The following LINGO1 variants were observed in gnomAD, a reference collection of about 807,000 sequenced individuals.
The protein encoded by LINGO1 is leucine rich repeat and Ig domain containing 1.
A neutral mutation model predicts 37.3 loss-of-function variants in LINGO1; 11 were observed. That is an observed-to-expected ratio of 0.29 (90% confidence interval 0.19 to 0.49). LINGO1 has a LOEUF of 0.49. LINGO1 is among the 20% of genes least tolerant of loss of function. LINGO1 has a pLI of 0.99. For synonymous variants in LINGO1, 387 were observed against 403.0 expected (o/e 0.96, Z 0.48); for missense variants, 585 against 878.2 (o/e 0.67, Z 4.22).
chr15:77,698,519 C>T (rs1005117693), upstream of LINGO1, among the ~76,000 whole-genome samples: 4 of 152,128 alleles, frequency 2.6e-5, no homozygotes, highest in Admixed American at 2.0e-4. Context: ...GGGGCGGGGT[C>T]ACACACCAGG....
chr15:77,621,073 TA>T (rs1013595555), intron 1 of LINGO1, among the ~76,000 whole-genome samples: 5 of 151,876 alleles, frequency 3.3e-5, no homozygotes, highest in African/African-American at 1.2e-4. Flanking sequence ...TTTTTTCTTT[TA>T]GATGGAGTCT....
chr15:77,794,590 ATTTTT>A lies in LINGO1; in HGVS notation c.-343+1344_-343+1348del, dbSNP rs370121489. Among the ~76,000 whole-genome samples the A allele has an allele frequency of 4.0e-4, 37 of 93,502 alleles. 1 individual carries two copies. The highest frequency in any genetic ancestry group is 1.8e-3 in the Admixed American group (15 of 8,322). The allele number at this position is 93,502 out of a possible 152,430, so 61.3% of individuals were successfully genotyped here. A position where few individuals can be genotyped will look rare whatever the true frequency, so the allele number is the denominator to read the frequency against. ...CACACACATATATATATATATATAT[ATTTTT>A]TTTTTTTTTTGAGACGGAGTCTCGC... is the stretch of plus-strand genomic sequence containing the variant. On this transcript the variant is annotated intron_variant, in intron 2 of 5. Coordinates refer to the LINGO1 transcript ENST00000562933.
chr15:77,819,517 C>G (rs1232377673), intron 1 of LINGO1: 1 of 151,764 alleles, frequency 6.6e-6, no homozygotes, highest in Non-Finnish European at 1.5e-5. Flanking sequence ...CTGCTCGCCA[C>G]GATGCGATGC....
In LINGO1 at chr15:77,665,733, G is replaced by A. The variant is rs555832041; in HGVS notation, c.-13+11356C>T. ...CGCCAGGCAGGTGAGGTGAGATGCT[G>A]AGCTGACCCGCCTCCAGGCTGCCCT... On this transcript the variant is annotated intron_variant, in intron 3 of 3. Coordinates refer to the LINGO1 transcript ENST00000559893. 2.0e-5 allele frequency among the ~76,000 whole-genome samples: 3 copies of A among 152,360 alleles called. No individual in the cohort carries two copies. In the South Asian group the frequency reaches 6.2e-4, roughly 32 times the overall value.
intron 1 of LINGO1, among the ~76,000 whole-genome samples, chr15:77,619,781 G>A (rs1011918862): frequency 1.3e-5 from 2 of 152,130 alleles, no homozygotes; most frequent in African/African-American, 4.8e-5. Flanking sequence ...GGTCAGCCTT[G>A]CCCTGTACAG....
chr15:77,688,669 G>A (rs1387415059), intron 2 of LINGO1, among the ~76,000 whole-genome samples: 1 of 152,196 alleles, frequency 6.6e-6, no homozygotes, highest in Non-Finnish European at 1.5e-5. Context: ...TTCCCGCCAC[G>A]GTTGGTTATT....
chr15:77,683,353 C>T (rs1181051657), intron 2 of LINGO1, among the ~76,000 whole-genome samples: 2 of 152,140 alleles, frequency 1.3e-5, no homozygotes, highest in Admixed American at 6.5e-5. Context: ...CCCGGCCACT[C>T]GCATCTAGAA....
chr15:77,614,890 C>T lies in LINGO1; in HGVS notation c.1017G>A (p.Val339=), dbSNP rs781478906. The T allele has an allele frequency of 1.2e-6, 2 of 1,613,854 alleles. No homozygotes were observed. Among genetic ancestry groups the T allele is most frequent in the African/African-American group, 1.3e-5 (1 of 74,938 alleles). Residue 339 remains valine, a synonymous_variant, in exon 2 of 2, where the codon GTG becomes GTA. Coordinates refer to ENST00000355300, the MANE Select transcript of LINGO1 (RefSeq NM_032808.7). ...YAFRGLNYLR[V]LNVSGNQLTT... ...TCAGCTGGTTGCCAGAGACATTGAG[C>T]ACGCGCAGGTAGTTGAGGCCGCGGA...
chr15:77,694,922 G>A (rs747300181), intron 1 of LINGO1, among the ~76,000 whole-genome samples: 21 of 152,124 alleles, frequency 1.4e-4, no homozygotes, highest in Admixed American at 3.9e-4. Flanking sequence ...GGGTCTCCCC[G>A]GGGGGCCTGG....
chr15:77,806,358 G>C (rs1014251540), intron 1 of LINGO1, among the ~76,000 whole-genome samples: 9 of 152,186 alleles, frequency 5.9e-5, no homozygotes, highest in African/African-American at 2.2e-4. Context: ...CTGCAAACAG[G>C]AAGAAGCACA....
chr15:77,691,483 A>G (rs868817162), intron 1 of LINGO1, among the ~76,000 whole-genome samples: 16 of 151,564 alleles, frequency 1.1e-4, no homozygotes, highest in South Asian at 2.1e-4. Context: ...TGCCATCCCT[A>G]GGGAAGGGAT....
intron 1 of LINGO1, among the ~76,000 whole-genome samples, chr15:77,691,389 G>T (rs1360566278): frequency 1.3e-5 from 2 of 152,148 alleles, no homozygotes; most frequent in Non-Finnish European, 2.9e-5. Flanking sequence ...ATCCTCCATA[G>T]TACCCATTGC....
rs557332180 is a variant in LINGO1, at chr15:77,677,513, C to T, written c.-98-339G>A. 5.9e-5 allele frequency among the ~76,000 whole-genome samples: 9 copies of T among 152,238 alleles called. No individual in the cohort carries two copies. In the East Asian group the frequency reaches 1.4e-3, roughly 23 times the overall value. ...CAAGTTTTGTTCACGTGCACAGATA[C>T]ACAGATGGACAACCCCACCCCATTC... On this transcript the variant is annotated intron_variant, in intron 2 of 3. Transcript: ENST00000559893.
chr15:77,715,663 C>G (rs1378693613), intron 2 of LINGO1, among the ~76,000 whole-genome samples: 3 of 152,254 alleles, frequency 2.0e-5, no homozygotes, highest in African/African-American at 7.2e-5. Flanking sequence ...TAGGTGCCTA[C>G]TAAACACTAG....
chr15:77,732,190 A>C (rs1044040572), intron 2 of LINGO1, among the ~76,000 whole-genome samples: 1 of 152,052 alleles, frequency 6.6e-6, no homozygotes, highest in Non-Finnish European at 1.5e-5. Flanking sequence ...TGAGGTCTGC[A>C]CTCTACACTT....
chr15:77,708,872 C>T (rs1393994543), intron 2 of LINGO1, among the ~76,000 whole-genome samples: 1 of 152,196 alleles, frequency 6.6e-6, no homozygotes, highest in Non-Finnish European at 1.5e-5. Context: ...AGAGATCGTA[C>T]CACTGCACTC....
At chr15:77,701,631 CTAACGAG>C (rs1466567895) in intron 2 of LINGO1, among the ~76,000 whole-genome samples, 1 of 152,184 alleles carries the variant, frequency 6.6e-6, no homozygotes, top group Non-Finnish European at 1.5e-5. Context: ...TTCTCGCCCT[CTAACGAG>C]TAACAAGTTC....
intron 2 of LINGO1, among the ~76,000 whole-genome samples, chr15:77,716,280 C>CTTTTTTT (rs5813879): frequency 8.4e-6 from 1 of 119,266 alleles, no homozygotes; most frequent in Non-Finnish European, 1.7e-5. Context: ...TCTTCTTCTT[C>CTTTTTTT]TTTTTTTTTT....
intron 1 of LINGO1, among the ~76,000 whole-genome samples, chr15:77,630,942 A>G (rs1240844975): frequency 6.6e-6 from 1 of 152,206 alleles, no homozygotes. Flanking sequence ...AAGGACAGGC[A>G]TGCCATCCCA....
Sources: allele counts gnomAD v4.1 joint callset (sites outside exome capture counted in the v4.1 genomes callset), GRCh38; gene constraint gnomAD v4.1.1; transcripts MANE v1.5; gene names NCBI Gene and HGNC (gene_info 2026-07-23, HGNC 2026-07-21).